The following IL1RAPL1 variants were observed in gnomAD, a reference collection of about 807,000 sequenced individuals.
IL1RAPL1 encodes interleukin-1 receptor accessory protein-like 1.
IL1RAPL1 carries 3 observed loss-of-function variants against 48.4 expected under a neutral mutation model. That is an observed-to-expected ratio of 0.06 (90% CI 0.03 to 0.16). The LOEUF (loss-of-function observed/expected upper bound fraction) is 0.16. Ranked by LOEUF, IL1RAPL1 falls within the 10% of genes least tolerant of loss-of-function variation. The pLI is 1.00. For missense variants in IL1RAPL1, 349 were observed against 530.6 expected, an observed-to-expected ratio of 0.66 and a Z score of 3.36; for synonymous variants, 185 against 187.7, an observed-to-expected ratio of 0.99 and a Z score of 0.12.
chrX:29,304,400 T>C (rs983165787), intron 3 of IL1RAPL1, among the ~76,000 whole-genome samples: 3 of 112,250 alleles, frequency 2.7e-5, no homozygotes, highest in African/African-American at 9.7e-5. Flanking sequence ...TTCAAGCTTA[T>C]TTAATAATGA....
intron 1 of IL1RAPL1, among the ~76,000 whole-genome samples, chrX:28,630,514 A>G (rs1022990976): frequency 7.2e-5 from 8 of 110,771 alleles, no homozygotes; most frequent in African/African-American, 2.6e-4. Flanking sequence ...CTTTTACTCA[A>G]CCCGTCTGCC....
At chrX:29,383,052 AT>A (rs1321207147) in intron 3 of IL1RAPL1, among the ~76,000 whole-genome samples, 7 of 112,264 alleles carry the variant, frequency 6.2e-5, no homozygotes. Flanking sequence ...GTGCTGATGG[AT>A]TTTGAATAAT....
intron 5 of IL1RAPL1, among the ~76,000 whole-genome samples, chrX:29,612,415 A>T (rs994138540): frequency 9.6e-6 from 1 of 103,656 alleles, no homozygotes; most frequent in African/African-American, 3.6e-5. Context: ...CATTTTATTA[A>T]AAAAAAAAAA....
intron 2 of IL1RAPL1, among the ~76,000 whole-genome samples, chrX:28,929,834 C>A (rs1412145872): frequency 1.8e-5 from 2 of 112,290 alleles, no homozygotes; most frequent in Admixed American, 9.5e-5. Context: ...ACTTCTCACA[C>A]CTTAACCTCA....
At chrX:29,186,349 T>A (rs1160687753) in intron 2 of IL1RAPL1, among the ~76,000 whole-genome samples, 1 of 112,071 alleles carries the variant, frequency 8.9e-6, no homozygotes. Flanking sequence ...TATAATCAAC[T>A]ATTAGGATGC....
chrX:29,131,555 G>A lies in IL1RAPL1; in HGVS notation c.83-151383G>A, dbSNP rs1929023264. On this transcript the variant is annotated intron_variant, in intron 2 of 10. Transcript: ENST00000378993. ...TTTAACCAGTAATGCACCACAGTTAGCACTTCTGGGACTAATCTGGCCCTC... is the reference window on the plus strand; with the variant it reads ...TTTAACCAGTAATGCACCACAGTTAACACTTCTGGGACTAATCTGGCCCTC... Among the ~76,000 whole-genome samples the A allele has an allele frequency of 5.4e-5, 6 of 110,976 alleles. No individual in the cohort carries two copies. The Admixed American group carries it at 5.8e-4, about 11-fold the overall frequency.
intron 1 of IL1RAPL1, among the ~76,000 whole-genome samples, chrX:28,728,868 ATT>A (rs1935715809): frequency 9.0e-6 from 1 of 111,393 alleles, no homozygotes; most frequent in Admixed American, 9.6e-5. Flanking sequence ...AGTGTTTTAT[ATT>A]TACTTTCTTG....
chrX:29,435,906 C>T (rs188502212), intron 5 of IL1RAPL1, among the ~76,000 whole-genome samples: 1 of 110,423 alleles, frequency 9.1e-6, no homozygotes, highest in Non-Finnish European at 1.9e-5. Flanking sequence ...AGTCTAGTAT[C>T]TAAAGTACTC....
At chrX:29,090,988 G>C (rs73210038) in intron 2 of IL1RAPL1, among the ~76,000 whole-genome samples, 7,727 of 111,872 alleles carry the variant, frequency 0.069, 274 homozygotes, top group Non-Finnish European at 0.1. Flanking sequence ...AGACAGGACA[G>C]AGCTGTATGA....
chrX:29,814,665 GA>G (rs750564376), intron 6 of IL1RAPL1, among the ~76,000 whole-genome samples: 1 of 111,725 alleles, frequency 9.0e-6, no homozygotes, highest in Non-Finnish European at 1.9e-5. Flanking sequence ...GGCCAACGTT[GA>G]AAAGGGTTAT....
At chrX:28,728,088 T>A (rs908918561) in intron 1 of IL1RAPL1, among the ~76,000 whole-genome samples, 5 of 111,143 alleles carry the variant, frequency 4.5e-5, no homozygotes, top group Non-Finnish European at 9.4e-5. Context: ...TAAAATAAAA[T>A]AAAAAATAAA....
chrX:29,737,899 T>G (rs1416531265), intron 6 of IL1RAPL1, among the ~76,000 whole-genome samples: 2 of 112,313 alleles, frequency 1.8e-5, no homozygotes, highest in Non-Finnish European at 3.8e-5. Flanking sequence ...AAATTTCAGC[T>G]ACAGAATACT....
intron 1 of IL1RAPL1, among the ~76,000 whole-genome samples, chrX:28,722,906 C>T (rs979437874): frequency 3.8e-4 from 42 of 110,831 alleles, no homozygotes; most frequent in African/African-American, 1.3e-3. Context: ...TATTGATTTG[C>T]GTATGTTGAA....
chrX:29,754,548 C>T (rs752561104), intron 6 of IL1RAPL1, among the ~76,000 whole-genome samples: 7 of 111,817 alleles, frequency 6.3e-5, no homozygotes, highest in South Asian at 7.4e-4. Context: ...AACGATTAGC[C>T]GCAACAGCCT....
intron 8 of IL1RAPL1, among the ~76,000 whole-genome samples, chrX:29,935,360 G>T (rs1049538509): frequency 5.4e-5 from 6 of 111,133 alleles, no homozygotes; most frequent in African/African-American, 1.6e-4. Flanking sequence ...TTATTATTAT[G>T]ATGGCTGAAA....
chrX:29,425,448 G>C (rs770063746), intron 5 of IL1RAPL1, among the ~76,000 whole-genome samples: 1 of 111,447 alleles, frequency 9.0e-6, no homozygotes, highest in Non-Finnish European at 1.9e-5. Context: ...GGAGATTAGG[G>C]TTAAATTTAA....
intron 5 of IL1RAPL1, among the ~76,000 whole-genome samples, chrX:29,464,541 C>T (rs925069429): frequency 4.5e-5 from 5 of 111,524 alleles, no homozygotes; most frequent in African/African-American, 1.6e-4. Flanking sequence ...CTGTTGTTGA[C>T]AAAAGTGAAA....
chrX:29,581,777 T>C (rs1922969505), intron 5 of IL1RAPL1, among the ~76,000 whole-genome samples: 1 of 111,107 alleles, frequency 9.0e-6, no homozygotes, highest in African/African-American at 3.3e-5. Context: ...ATTAGGGCAG[T>C]TCTGGCTGTT....
intron 2 of IL1RAPL1, among the ~76,000 whole-genome samples, chrX:29,081,032 T>TTCTTTTCTTC (rs1569232941): frequency 1.7e-4 from 14 of 81,760 alleles, no homozygotes; most frequent in Non-Finnish European, 7.1e-5. Context: ...TTCTTTTCTT[T>TTCTTTTCTTC]TCTTTTCTTT....
Sources: allele counts gnomAD v4.1 joint callset (sites outside exome capture counted in the v4.1 genomes callset), GRCh38; gene constraint gnomAD v4.1.1; transcripts MANE v1.5; gene names NCBI Gene and HGNC (gene_info 2026-07-23, HGNC 2026-07-21).